The following CPNE5 variants were observed in gnomAD, a reference collection of about 807,000 sequenced individuals.
CPNE5 encodes the protein copine-5.
In CPNE5, 42 loss-of-function variants were observed where a neutral mutation model predicts 81.1. That is an observed-to-expected ratio of 0.52 (90% CI 0.40 to 0.67). The LOEUF (loss-of-function observed/expected upper bound fraction) is 0.67. Ranked by LOEUF, CPNE5 falls within the 30% of genes least tolerant of loss-of-function variation. The pLI, the probability that CPNE5 is intolerant of heterozygous loss-of-function variation, is 0.00. For missense variants in CPNE5, 612 were observed against 815.5 expected, an observed-to-expected ratio of 0.75 and a Z score of 3.04; for synonymous variants, 313 against 321.5, an observed-to-expected ratio of 0.97 and a Z score of 0.28.
intron 18 of CPNE5, among the ~76,000 whole-genome samples, chr6:36,744,762 G>A (rs930544600): frequency 7.2e-5 from 11 of 152,220 alleles, no homozygotes; most frequent in African/African-American, 2.7e-4. Flanking sequence ...GAGTAGACCA[G>A]AGCGTGACTA....
intron 1 of CPNE5, among the ~76,000 whole-genome samples, chr6:36,831,529 T>C (rs2150617185): frequency 6.6e-6 from 1 of 151,820 alleles, no homozygotes; most frequent in South Asian, 2.1e-4. Context: ...AATTTTTGTA[T>C]TTTTAATAGA....
At chr6:36,756,483 T>C (rs1462193190) in intron 12 of CPNE5, among the ~76,000 whole-genome samples, 185 bp from the exon 13 acceptor site, 1 of 152,012 alleles carries the variant, frequency 6.6e-6, no homozygotes, top group Non-Finnish European at 1.5e-5. Context: ...TGAGTCTGGG[T>C]TACACAACTG....
Position 36,742,454 on chromosome 6 carries a change from T to G in CPNE5, c.1596A>C (p.Thr532=), listed in dbSNP as rs773049175. The G allele has an allele frequency of 6.2e-7, 1 of 1,613,174 alleles. No individual in the cohort carries two copies. Among genetic ancestry groups the G allele is most frequent in the Admixed American group, 1.7e-5 (1 of 60,018 alleles). Residue 532 remains threonine, a synonymous_variant, in exon 21 of 21, where the codon ACA becomes ACC. Transcript: ENST00000244751. The part of the protein sequence containing the change: ...FVPFRDYVDR[T]GNHVLSMARL... ...GGGCCATGCTCAGCACGTGGTTGCCTGTGCGGTCCACGTAGTCCCGGAAGG... is the reference window on the plus strand; with the variant it reads ...GGGCCATGCTCAGCACGTGGTTGCCGGTGCGGTCCACGTAGTCCCGGAAGG...
chr6:36,782,506 C>T (rs993934275), intron 8 of CPNE5, among the ~76,000 whole-genome samples: 1 of 152,020 alleles, frequency 6.6e-6, no homozygotes, highest in East Asian at 1.9e-4. Flanking sequence ...CACCCGATGG[C>T]GAAAAATGGC....
Position 36,766,975 on chromosome 6 carries a change from C to T in CPNE5, c.738-1599G>A, listed in dbSNP as rs1239719624. On this transcript the variant is annotated intron_variant, in intron 10 of 20. Coordinates refer to ENST00000244751, the MANE Select transcript of CPNE5 (RefSeq NM_020939.2). The surrounding 1 kb of genome is among the most constrained non-coding windows in gnomAD (Gnocchi z 4.2). The stretch of plus-strand genomic sequence containing the variant: ...ATTCAACTGATTCTCCTGCCTCACC[C>T]TCCCAAGTGTCTGGGATTACAGGCA... 6.6e-6 allele frequency among the ~76,000 whole-genome samples: 1 copy of T among 152,212 alleles called. No homozygotes were observed. Among genetic ancestry groups the T allele is most frequent in the Non-Finnish European group, 1.5e-5 (1 of 68,042 alleles).
At chr6:36,774,723 G>A (rs1189992063) in intron 10 of CPNE5, among the ~76,000 whole-genome samples, 2 of 150,060 alleles carry the variant, frequency 1.3e-5, no homozygotes, top group Non-Finnish European at 3.0e-5. Context: ...TGGGGCGGGT[G>A]GGGAGAAGAG....
At chr6:36,809,743 T>A (rs988158006) in intron 3 of CPNE5, among the ~76,000 whole-genome samples, 2 of 151,886 alleles carry the variant, frequency 1.3e-5, no homozygotes, top group African/African-American at 4.8e-5. Context: ...CTGACCACGG[T>A]CACACAGCTC....
intron 8 of CPNE5, among the ~76,000 whole-genome samples, chr6:36,780,386 C>G (rs1767936317): frequency 6.6e-6 from 1 of 152,210 alleles, no homozygotes; most frequent in Admixed American, 6.5e-5. Context: ...TGACAAGGTT[C>G]AGCGGTGGCT....
intron 3 of CPNE5, among the ~76,000 whole-genome samples, chr6:36,800,962 T>G (rs374210504): frequency 7.9e-5 from 12 of 152,262 alleles, no homozygotes; most frequent in African/African-American, 2.9e-4. Context: ...CAGTTGAACC[T>G]TGAGATGATT....
intron 2 of CPNE5, 76 bp from the exon 3 acceptor site, chr6:36,822,236 G>T: frequency 7.7e-7 from 1 of 1,290,594 alleles, no homozygotes; most frequent in Non-Finnish European, 1.0e-6. Context: ...AAAGGATCCT[G>T]GCTGGGCAGG....
intron 14 of CPNE5, among the ~76,000 whole-genome samples, chr6:36,752,040 G>A (rs960931380): frequency 1.3e-5 from 2 of 151,978 alleles, no homozygotes; most frequent in South Asian, 2.1e-4. Context: ...GTGGGTAGGA[G>A]GAGAGCTTGC....
chr6:36,821,565 G>A (rs1455719952), intron 3 of CPNE5, among the ~76,000 whole-genome samples: 2 of 152,162 alleles, frequency 1.3e-5, no homozygotes, highest in African/African-American at 2.4e-5. Flanking sequence ...ACATGGAGTG[G>A]GGGTGGGGAG....
intron 20 of CPNE5, chr6:36,743,112 G>A (rs1382305902): frequency 2.0e-6 from 2 of 985,274 alleles, no homozygotes; most frequent in Non-Finnish European, 2.4e-6. Context: ...TTAAACCAAG[G>A]GGGTATGCAG....
intron 3 of CPNE5, among the ~76,000 whole-genome samples, chr6:36,810,740 C>CAG: frequency 6.6e-6 from 1 of 152,170 alleles, no homozygotes; most frequent in Admixed American, 6.5e-5. Flanking sequence ...AAACCAGGCC[C>CAG]AGAGAGAGAT....
At chr6:36,770,659 C>T (rs1766965119) in intron 10 of CPNE5, among the ~76,000 whole-genome samples, 1 of 152,074 alleles carries the variant, frequency 6.6e-6, no homozygotes, top group African/African-American at 2.4e-5. Context: ...ACCCACAGGG[C>T]CTCTCAGGGC....
Position 36,792,329 on chromosome 6 carries a change from G to A in CPNE5, c.465-233C>T, listed in dbSNP as rs764794830. ...GGAGCTGCCCCACCCCCTGCTCCCC[G>A]AGAGCCCACCAGGAAGGGTAGTGCC... On this transcript the variant is annotated intron_variant, in intron 7 of 20. Transcript: ENST00000244751. 3.7e-5 allele frequency: 56 copies of A among 1,524,546 alleles called. 1 individual carries two copies. The highest frequency in any genetic ancestry group is 1.6e-4 in the Admixed American group (8 of 50,616). 94.4% of individuals were successfully genotyped at this position (1,524,546 alleles called of 1,614,324 possible).
chr6:36,743,548 G>A (rs775125137), intron 20 of CPNE5, 141 bp downstream of exon 20: 18 of 794,986 alleles, frequency 2.3e-5, no homozygotes, highest in East Asian at 7.3e-5. Context: ...TACTCCCTTC[G>A]GTGGTGGCTG....
intron 3 of CPNE5, among the ~76,000 whole-genome samples, chr6:36,812,069 A>C (rs181543890): frequency 6.6e-6 from 1 of 152,232 alleles, no homozygotes; most frequent in African/African-American, 2.4e-5. Context: ...GTGTCACCAC[A>C]CTCCAGCCTG....
At chr6:36,793,732 C>A (rs926248344) in intron 7 of CPNE5, among the ~76,000 whole-genome samples, 2 of 152,164 alleles carry the variant, frequency 1.3e-5, no homozygotes, top group Non-Finnish European at 2.9e-5. Flanking sequence ...CATCCCCGGG[C>A]CCGCCGGAGG....
Sources: gnomAD v4.1 joint callset for allele counts (sites outside exome capture counted in the v4.1 genomes callset) on GRCh38, gnomAD v4.1.1 for gene constraint, Gnocchi (gnomAD v3.1) non-coding constraint, MANE v1.5 for transcripts, NCBI Gene and HGNC (gene_info 2026-07-23, HGNC 2026-07-21) for gene names.